Variants in ASMT observed in about 807,000 individuals in gnomAD.
The protein encoded by ASMT is acetylserotonin O-methyltransferase.
A neutral mutation model predicts 41.3 loss-of-function variants in ASMT; 53 were observed. The ratio of observed to expected loss-of-function variants is 1.28; its 90% CI spans 1.03 to 1.61. ASMT has a LOEUF of 1.61. ASMT is among the 40% of genes most tolerant of loss of function. The pLI is 0.00. For synonymous variants in ASMT, 231 were observed against 184.8 expected, an observed-to-expected ratio of 1.25 and a Z score of -2.03; for missense variants, 531 against 441.3, an observed-to-expected ratio of 1.20 and a Z score of -1.82.
At chrX:1,615,555 C>T (rs1934053218) in intron 1 of ASMT, among the ~76,000 whole-genome samples, 2 of 152,036 alleles carry the variant, frequency 1.3e-5, no homozygotes, top group South Asian at 4.2e-4. Flanking sequence ...GTGATCCCAG[C>T]ACTTTGGGAG....
intron 3 of ASMT, among the ~76,000 whole-genome samples, chrX:1,625,104 C>T (rs866480083): frequency 1.6e-5 from 2 of 127,348 alleles, no homozygotes; most frequent in Admixed American, 8.6e-5. Flanking sequence ...CTTTTCTTTT[C>T]TTTCTTTTTT....
In ASMT at chrX:1,615,110, G is replaced by C; in HGVS notation, c.-90G>C. The C allele has an allele frequency of 1.8e-6, 2 of 1,139,926 alleles. No individual in the cohort carries two copies. The highest frequency in any genetic ancestry group is 2.6e-6 in the Non-Finnish European group (2 of 770,424). The allele number at this position is 1,139,926 out of a possible 1,614,324, so 70.6% of individuals were successfully genotyped here. ...AGAGTCAGGCAGCAGCTGTGAGCGG[G>C]TGGCTCTTCCCCACCTTGCCAGCAG... On this transcript the variant is annotated 5_prime_UTR_variant, in exon 1 of 9. Transcript: ENST00000381241.
At chrX:1,618,057 C>T (rs1300965869) in intron 1 of ASMT, among the ~76,000 whole-genome samples, 6 of 152,156 alleles carry the variant, frequency 3.9e-5, no homozygotes, top group South Asian at 2.1e-4. Context: ...ATACGCAGAG[C>T]GGCCTCCGCC....
chrX:1,618,776 T>C (rs1295704509), intron 1 of ASMT, among the ~76,000 whole-genome samples: 3 of 152,238 alleles, frequency 2.0e-5, no homozygotes, highest in Non-Finnish European at 4.4e-5. Flanking sequence ...TTTCTGTTAC[T>C]GTCCCAGACA....
At chrX:1,627,809 G>T (rs771669042) in intron 4 of ASMT, 38 bp downstream of exon 4, 15 of 1,586,904 alleles carry the variant, frequency 9.5e-6, no homozygotes, top group East Asian at 2.2e-5. Flanking sequence ...ACTCAGATAA[G>T]ATTCTGTTTA....
chrX:1,635,878 CA>C (rs1170306595), intron 7 of ASMT, among the ~76,000 whole-genome samples: 2 of 148,274 alleles, frequency 1.3e-5, no homozygotes, highest in Non-Finnish European at 3.0e-5. Flanking sequence ...AACAAACAAA[CA>C]AAAAAACAAA....
At chrX:1,636,128 T>G in intron 7 of ASMT, 1 of 377,414 alleles carries the variant, frequency 2.6e-6, no homozygotes, top group Non-Finnish European at 5.1e-6. Flanking sequence ...GCTAATTTTT[T>G]TTGTATTTTT....
chrX:1,636,278 C>T (rs1454600605), intron 7 of ASMT, 160 bp from the exon 8 acceptor site: 4 of 1,089,514 alleles, frequency 3.7e-6, no homozygotes, highest in Non-Finnish European at 5.7e-6. Flanking sequence ...TTATCTTTCT[C>T]CTAAGCCTTT....
intron 1 of ASMT, among the ~76,000 whole-genome samples, chrX:1,618,342 T>G (rs1373897774): frequency 6.6e-6 from 1 of 152,132 alleles, no homozygotes; most frequent in Non-Finnish European, 1.5e-5. Context: ...TTTTGTATTT[T>G]TGGCAGAGAC....
intron 7 of ASMT, among the ~76,000 whole-genome samples, chrX:1,633,815 T>C (rs1416881139): frequency 6.6e-6 from 1 of 152,146 alleles, no homozygotes; most frequent in African/African-American, 2.4e-5. Context: ...ATCTTTTATA[T>C]TTTTAGTAGA....
chrX:1,623,302 G>A lies in ASMT; in HGVS notation c.233G>A (p.Arg78Lys), dbSNP rs1934405043. ...VSLKLLKVETRGGKAFYRNTE... is the reference protein window; with the variant it reads ...VSLKLLKVETKGGKAFYRNTE... Reference sequence around the variant, plus strand: ...CTGAAGCTGCTGAAAGTGGAGACGAGGGGAGGAAAAGGTGAGGACACGGGC... The same window carrying A: ...CTGAAGCTGCTGAAAGTGGAGACGAAGGGAGGAAAAGGTGAGGACACGGGC... Residue 78 changes from arginine (R) to lysine (K), a missense_variant, in exon 2 of 9, where the codon AGG (arginine) becomes AAG (lysine). Transcript: ENST00000381241. 6.2e-7 allele frequency: 1 copy of A among 1,613,948 alleles called. No homozygotes were observed. The highest frequency in any genetic ancestry group is 8.5e-7 in the Non-Finnish European group (1 of 1,179,866).
At chrX:1,615,407 A>G in intron 1 of ASMT, 139 bp downstream of exon 1, 1 of 886,872 alleles carries the variant, frequency 1.1e-6, no homozygotes, top group Non-Finnish European at 1.8e-6. Context: ...ACGTACACCC[A>G]CGATGTAGCC....
intron 8 of ASMT, among the ~76,000 whole-genome samples, chrX:1,636,982 TGG>T (rs1482679998): frequency 4.1e-5 from 3 of 73,862 alleles, no homozygotes; most frequent in African/African-American, 1.8e-4. Context: ...CATGAGGATG[TGG>T]GCACAGCCTC....
At position 1,642,982 on chromosome X, in the gene ASMT, G is replaced by C; in HGVS notation, c.1090G>C (p.Ala364Pro). 1 of 1,613,958 alleles carries C rather than the reference G, an allele frequency of 6.2e-7. No homozygotes were observed. Among genetic ancestry groups the C allele is most frequent in the Non-Finnish European group, 8.5e-7 (1 of 1,179,866 alleles). ...FRDFQFKKTG[A>P]IYDAILARK is the part of the protein sequence containing the mutation. ...AGACTTCCAGTTTAAGAAAACAGGA[G>C]CCATTTATGATGCCATTTTAGCCAG... Residue 364 changes from alanine (A) to proline (P), a missense_variant, in exon 9 of 9, where the codon GCC becomes CCC. Coordinates refer to ENST00000381241, the MANE Select transcript of ASMT (RefSeq NM_001171038.2).
At chrX:1,622,242 T>TCA (rs1339104127) in intron 1 of ASMT, among the ~76,000 whole-genome samples, 1 of 151,384 alleles carries the variant, frequency 6.6e-6, no homozygotes, top group East Asian at 2.0e-4. Flanking sequence ...TCTACCCTCC[T>TCA]AGGCCTCCCA....
At chrX:1,616,792 T>C (rs1436510968) in intron 1 of ASMT, among the ~76,000 whole-genome samples, 2 of 151,168 alleles carry the variant, frequency 1.3e-5, no homozygotes, top group South Asian at 2.1e-4. Flanking sequence ...CACTGCAAGC[T>C]CCACCTCCCA....
intron 6 of ASMT, 34 bp from the exon 7 acceptor site, chrX:1,633,116 C>T (rs1188568288): frequency 6.2e-7 from 1 of 1,613,754 alleles, no homozygotes; most frequent in South Asian, 1.1e-5. Flanking sequence ...TCAGGTTCAT[C>T]TCTGAGGGTC....
intron 7 of ASMT, chrX:1,636,108 A>T (rs1283584910): frequency 2.8e-6 from 1 of 363,242 alleles, no homozygotes; most frequent in Non-Finnish European, 5.4e-6. Flanking sequence ...GGCACCCGCC[A>T]TCACGCCCGG....
intron 1 of ASMT, among the ~76,000 whole-genome samples, chrX:1,615,952 C>G (rs1371746038): frequency 1.3e-5 from 2 of 151,968 alleles, no homozygotes; most frequent in Non-Finnish European, 2.9e-5. Flanking sequence ...GTTTATTAAC[C>G]CAGTAAATAA....
Sources: allele counts gnomAD v4.1 joint callset (sites outside exome capture counted in the v4.1 genomes callset), GRCh38; gene constraint gnomAD v4.1.1; transcripts MANE v1.5; gene names NCBI Gene and HGNC (gene_info 2026-07-23, HGNC 2026-07-21).